The following PIK3R4 variants were observed in gnomAD, a reference collection of about 807,000 sequenced individuals.
The protein encoded by PIK3R4 is phosphoinositide-3-kinase regulatory subunit 4, also known as phosphoinositide 3-kinase regulatory subunit 4.
A neutral mutation model predicts 136.5 loss-of-function variants in PIK3R4; 46 were observed. That is an observed-to-expected ratio of 0.34 (90% CI 0.27 to 0.43). The LOEUF (loss-of-function observed/expected upper bound fraction) is 0.43, where lower values mean the gene tolerates loss of function less well. Among genes scored for constraint, PIK3R4 ranks in the 20% least tolerant of loss-of-function variants. The probability of loss-of-function intolerance (pLI) is 1.00; values close to 1 mark genes in which losing one functional copy is unlikely to be tolerated. For synonymous variants in PIK3R4, 557 were observed against 566.7 expected (o/e 0.98, Z 0.24); for missense variants, 1,331 against 1,649.5 (o/e 0.81, Z 3.35).
intron 9 of PIK3R4, among the ~76,000 whole-genome samples, chr3:130,712,345 A>G (rs1399096786): frequency 1.3e-5 from 2 of 152,124 alleles, no homozygotes; most frequent in Non-Finnish European, 2.9e-5. Context: ...AGCTAAAAAT[A>G]TGGTCCTTCG....
intron 9 of PIK3R4, among the ~76,000 whole-genome samples, chr3:130,715,120 A>AT (rs2066656105): frequency 7.8e-6 from 1 of 127,548 alleles, no homozygotes; most frequent in Non-Finnish European, 1.7e-5. Flanking sequence ...TTTTTTCCCG[A>AT]CTTTTTTTTT....
rs141637713 is a variant in PIK3R4, at chr3:130,681,938, G to A, written c.3608-347C>T. ...TTGAAAAAACAAGTCAGTGTGGCAG[G>A]AACAGACTGAGAATGGGAGATAAGT... On this transcript the variant is annotated intron_variant, in intron 16 of 19. Transcript: ENST00000356763. Among the ~76,000 whole-genome samples the A allele has an allele frequency of 4.5e-4, 68 of 152,240 alleles. 1 individual carries two copies. Among genetic ancestry groups the A allele is most frequent in the East Asian group, 1.9e-3 (10 of 5,176 alleles).
At chr3:130,714,588 C>T (rs535054545) in intron 9 of PIK3R4, among the ~76,000 whole-genome samples, 13 of 152,234 alleles carry the variant, frequency 8.5e-5, no homozygotes, top group African/African-American at 2.4e-4. Context: ...GACCCATCCT[C>T]TAAGTTCCCT....
At chr3:130,730,066 C>G (rs1031821640) in intron 5 of PIK3R4, among the ~76,000 whole-genome samples, 6 of 152,162 alleles carry the variant, frequency 3.9e-5, no homozygotes, top group African/African-American at 9.6e-5. Context: ...ACTGTTCACA[C>G]AAATCAATTC....
chr3:130,737,435 A>C (rs1258351197), intron 2 of PIK3R4, among the ~76,000 whole-genome samples: 1 of 152,198 alleles, frequency 6.6e-6, no homozygotes, highest in African/African-American at 2.4e-5. Flanking sequence ...CAAGGCAGGT[A>C]GATCACTTGA....
chr3:130,693,235 G>A (rs1487828745), intron 13 of PIK3R4, among the ~76,000 whole-genome samples: 1 of 151,836 alleles, frequency 6.6e-6, no homozygotes, highest in Non-Finnish European at 1.5e-5. Context: ...TCCATTTTTT[G>A]GCTATTATGA....
chr3:130,718,566 T>A (rs200266107), intron 7 of PIK3R4, 32 bp from the exon 8 acceptor site: 3 of 1,610,862 alleles, frequency 1.9e-6, no homozygotes, highest in African/African-American at 2.7e-5. Flanking sequence ...AGGGATCAAA[T>A]AAGTTATTTC....
At chr3:130,683,686 A>G (rs1309805642) in intron 16 of PIK3R4, among the ~76,000 whole-genome samples, 1 of 152,184 alleles carries the variant, frequency 6.6e-6, no homozygotes, top group Non-Finnish European at 1.5e-5. Flanking sequence ...AATAAGAGCT[A>G]TTATTTATCA....
intron 6 of PIK3R4, among the ~76,000 whole-genome samples, 186 bp downstream of exon 6, chr3:130,728,277 T>C (rs1024134700): frequency 2.0e-4 from 30 of 152,152 alleles, no homozygotes; most frequent in Admixed American, 1.6e-3. Flanking sequence ...CAGGTTGATA[T>C]ACCAACCCTT....
intron 2 of PIK3R4, among the ~76,000 whole-genome samples, chr3:130,739,056 C>T (rs2066803534): frequency 6.6e-6 from 1 of 152,026 alleles, no homozygotes; most frequent in Admixed American, 6.5e-5. Flanking sequence ...TATTAGCACA[C>T]CTTTTTTTGT....
chr3:130,706,517 G>A (rs186553321), intron 11 of PIK3R4, among the ~76,000 whole-genome samples: 1 of 152,274 alleles, frequency 6.6e-6, no homozygotes, highest in East Asian at 1.9e-4. Flanking sequence ...CCATTGTTAA[G>A]TCAGGAATGA....
intron 3 of PIK3R4, among the ~76,000 whole-genome samples, chr3:130,734,636 A>C (rs538236278): frequency 6.6e-6 from 1 of 152,336 alleles, no homozygotes; most frequent in East Asian, 1.9e-4. Flanking sequence ...TCTAGGATCT[A>C]ATCAGTAGGG....
At chr3:130,720,202 CT>C (rs897493817) in intron 7 of PIK3R4, among the ~76,000 whole-genome samples, 9 of 149,252 alleles carry the variant, frequency 6.0e-5, no homozygotes, top group African/African-American at 9.8e-5. Context: ...TCTTTTCTTC[CT>C]TTTTTTTTTG....
intron 13 of PIK3R4, among the ~76,000 whole-genome samples, chr3:130,693,301 C>T (rs1576452157): frequency 6.6e-6 from 1 of 152,220 alleles, no homozygotes; most frequent in South Asian, 2.1e-4. Flanking sequence ...ATGTTTTCAA[C>T]TGTCTTGGGT....
intron 2 of PIK3R4, among the ~76,000 whole-genome samples, chr3:130,738,118 A>G (rs1216072030): frequency 1.3e-5 from 2 of 152,200 alleles, no homozygotes; most frequent in Non-Finnish European, 2.9e-5. Flanking sequence ...TTCTCTCTGT[A>G]TAGTGTCACA....
At chr3:130,692,780 T>C (rs1416996658) in intron 13 of PIK3R4, among the ~76,000 whole-genome samples, 1 of 152,248 alleles carries the variant, frequency 6.6e-6, no homozygotes, top group Non-Finnish European at 1.5e-5. Flanking sequence ...ATGGCAGAGA[T>C]GGGAGTGCCA....
intron 14 of PIK3R4, among the ~76,000 whole-genome samples, chr3:130,687,459 A>G (rs1019972925): frequency 6.6e-6 from 1 of 152,112 alleles, no homozygotes; most frequent in African/African-American, 2.4e-5. Flanking sequence ...TATTTGGCAA[A>G]AATACTTTGA....
intron 7 of PIK3R4, among the ~76,000 whole-genome samples, chr3:130,720,865 C>T (rs894716410): frequency 2.6e-5 from 4 of 152,116 alleles, no homozygotes; most frequent in Non-Finnish European, 4.4e-5. Flanking sequence ...AAGAGTGAAA[C>T]TCCGTCTCTA....
intron 13 of PIK3R4, 81 bp downstream of exon 13, chr3:130,703,642 A>G: frequency 9.7e-7 from 1 of 1,032,504 alleles, no homozygotes; most frequent in East Asian, 2.5e-5. Flanking sequence ...TACCCAAAAC[A>G]GTGGTTATTA....
Sources: allele counts gnomAD v4.1 joint callset (sites outside exome capture counted in the v4.1 genomes callset), GRCh38; gene constraint gnomAD v4.1.1; transcripts MANE v1.5; gene names NCBI Gene and HGNC (gene_info 2026-07-23, HGNC 2026-07-21).